Variants in SORL1 observed in about 807,000 individuals in gnomAD.
SORL1 encodes the protein sortilin related receptor 1, also known as sortilin-related receptor.
In SORL1, 127 loss-of-function variants were observed where a neutral mutation model predicts 273.7. The ratio of observed to expected loss-of-function variants is 0.46; its 90% CI spans 0.40 to 0.54. The LOEUF (loss-of-function observed/expected upper bound fraction) is 0.54, where lower values mean the gene tolerates loss of function less well. SORL1 is among the 20% of genes least tolerant of loss of function. The pLI is 0.00. For synonymous variants in SORL1, 1,031 were observed against 1,067.4 expected (o/e 0.97, Z 0.66); for missense variants, 2,494 against 2,846.1 (o/e 0.88, Z 2.81).
At chr11:121,522,737 A>G in intron 10 of SORL1, 34 bp downstream of exon 10, 3 of 1,552,580 alleles carry the variant, frequency 1.9e-6, no homozygotes, top group Non-Finnish European at 2.7e-6. Context: ...AAAGGGGTTC[A>G]GCTGTCTGGT....
At chr11:121,506,828 A>G (rs548000026) in intron 6 of SORL1, among the ~76,000 whole-genome samples, 1 of 152,178 alleles carries the variant, frequency 6.6e-6, no homozygotes, top group Non-Finnish European at 1.5e-5. Flanking sequence ...CATATCTGCT[A>G]TTTTGCTCTT....
intron 28 of SORL1, among the ~76,000 whole-genome samples, chr11:121,588,861 G>A (rs1210518218): frequency 6.6e-6 from 1 of 152,104 alleles, no homozygotes; most frequent in Non-Finnish European, 1.5e-5. Context: ...TCTTTCCTCT[G>A]TACACATCTG....
intron 1 of SORL1, 39 bp from the exon 2 acceptor site, chr11:121,469,968 C>A: frequency 7.8e-7 from 1 of 1,288,966 alleles, no homozygotes; most frequent in Non-Finnish European, 1.1e-6. Flanking sequence ...GTGGCCATCA[C>A]TTATCGTGGG....
chr11:121,606,940 C>G lies in SORL1; in HGVS notation c.5044C>G (p.Leu1682Val). 1 of 1,612,772 alleles carries G rather than the reference C, an allele frequency of 6.2e-7. No homozygotes were observed. The change falls in exon 36 of 48, where the codon CTC becomes GTC. Residue 1682 changes from leucine to valine, a missense_variant. Coordinates refer to ENST00000260197, the MANE Select transcript of SORL1 (RefSeq NM_003105.6). ...HWAPPIHTHG[L>V]IREYIVEYSR... ...GGCTCCTCCCATCCACACCCATGGC[C>G]TCATCCGTGAGTACATTGTAAGTAC...
At position 121,520,664 on chromosome 11, in the gene SORL1, G is replaced by A. The variant is rs1249790323; in HGVS notation, c.1219G>A (p.Ala407Thr). 1 of 1,562,506 alleles carries A rather than the reference G, an allele frequency of 6.4e-7. No homozygotes were observed. Among genetic ancestry groups the A allele is most frequent in the East Asian group, 2.3e-5 (1 of 43,074 alleles). ...AGSDTLVRYFANEPFADFHRV... is the reference protein window; with the variant it reads ...AGSDTLVRYFTNEPFADFHRV... Reference sequence around the variant, plus strand: ...TTTATTTTCATATTGTAGGTATTTTGCAAATGAACCATTTGCTGACTTCCA... The same window carrying A: ...TTTATTTTCATATTGTAGGTATTTTACAAATGAACCATTTGCTGACTTCCA... The change falls in exon 9 of 48, where the codon GCA (alanine) becomes ACA (threonine). Residue 407 changes from alanine to threonine, a missense_variant. This residue lies in a region of SORL1 where 710 missense variants were observed against 882.5 expected (regional missense o/e 0.80). Transcript: ENST00000260197.
Position 121,596,149 on chromosome 11 carries a change from C to G in SORL1, c.4519+377C>G, listed in dbSNP as rs1484541282. 6.6e-6 allele frequency among the ~76,000 whole-genome samples: 1 copy of G among 152,192 alleles called. No individual in the cohort carries two copies. The highest frequency in any genetic ancestry group is 1.5e-5 in the Non-Finnish European group (1 of 68,048). On this transcript the variant is annotated intron_variant, in intron 32 of 47. Transcript: ENST00000260197. The surrounding 1 kb of genome is among the most constrained non-coding windows in gnomAD (Gnocchi z 4.3). ...TCTGGAAGTATTTAGTGAGCACTTA[C>G]TGGGCGTAGAAGCTGTGTTATTAGA...
chr11:121,574,159 A>T, intron 23 of SORL1, 82 bp from the exon 24 acceptor site: 2 of 1,369,522 alleles, frequency 1.5e-6, no homozygotes, highest in African/African-American at 2.9e-5. Context: ...TCTATTTTTT[A>T]ATTGGTTTTC....
intron 2 of SORL1, among the ~76,000 whole-genome samples, chr11:121,471,358 G>A (rs918339343): frequency 2.0e-5 from 3 of 152,194 alleles, no homozygotes; most frequent in Non-Finnish European, 4.4e-5. Flanking sequence ...GGCAGCCAGT[G>A]TATAGTTTTT....
In SORL1 at chr11:121,569,238, T is replaced by G. The variant is rs1162562203; in HGVS notation, c.3224-919T>G. On this transcript the variant is annotated intron_variant, in intron 22 of 47. Coordinates refer to ENST00000260197, the MANE Select transcript of SORL1 (RefSeq NM_003105.6). ...GAGGATGTATGTCGCCTCAGGACCC[T>G]GTGATGATTGCATTAACTGCACAAA... Among the ~76,000 whole-genome samples the G allele has an allele frequency of 5.9e-5, 9 of 152,350 alleles. No individual in the cohort carries two copies. The East Asian group carries it at 1.7e-3, about 29-fold the overall frequency.
At chr11:121,525,234 T>C (rs1182341527) in intron 11 of SORL1, among the ~76,000 whole-genome samples, 1 of 152,234 alleles carries the variant, frequency 6.6e-6, no homozygotes, top group Non-Finnish European at 1.5e-5. Context: ...ATATACTCTT[T>C]TTGCCTGGCT....
chr11:121,587,580 A>G (rs187660949), intron 27 of SORL1, among the ~76,000 whole-genome samples: 2 of 152,272 alleles, frequency 1.3e-5, no homozygotes, highest in East Asian at 3.9e-4. Flanking sequence ...GCTTCAACAT[A>G]CAAATTTTGG....
intron 12 of SORL1, among the ~76,000 whole-genome samples, chr11:121,539,449 TCTC>T (rs1460995035): frequency 6.6e-6 from 1 of 152,248 alleles, no homozygotes; most frequent in African/African-American, 2.4e-5. Context: ...TCTTCATAAT[TCTC>T]CTAGAGATTA....
Position 121,632,345 on chromosome 11 carries a change from C to G in SORL1, c.*2782C>G, listed in dbSNP as rs1194117661. The G allele has an allele frequency of 2.0e-5, 3 of 152,038 alleles. No homozygotes were observed. The highest frequency in any genetic ancestry group is 7.3e-5 in the African/African-American group (3 of 41,348). 9.4% of individuals were successfully genotyped at this position (152,038 alleles called of 1,614,324 possible). On this transcript the variant is annotated 3_prime_UTR_variant, in exon 48 of 48. Coordinates refer to ENST00000260197, the MANE Select transcript of SORL1 (RefSeq NM_003105.6). ...GGATAAAATGTTAGAGAGTGGAGTTCTACAGAGGATTCCAGGAAGAGGCCA... is the reference window on the plus strand; with the variant it reads ...GGATAAAATGTTAGAGAGTGGAGTTGTACAGAGGATTCCAGGAAGAGGCCA...
At chr11:121,572,073 G>A (rs1041822054) in intron 23 of SORL1, among the ~76,000 whole-genome samples, 10 of 152,218 alleles carry the variant, frequency 6.6e-5, no homozygotes, top group African/African-American at 2.4e-4. Flanking sequence ...CAAGGAAATT[G>A]CCCAGACATA....
chr11:121,626,310 G>T (rs911389119), intron 46 of SORL1: 3 of 152,206 alleles, frequency 2.0e-5, no homozygotes, highest in Admixed American at 6.5e-5. Context: ...GAAGTGGGGT[G>T]GGGGAGGGAG....
At position 121,595,899 on chromosome 11, in the gene SORL1, T is replaced by A; in HGVS notation, c.4519+127T>A. 1.0e-6 allele frequency: 1 copy of A among 988,390 alleles called. No individual in the cohort carries two copies. Among genetic ancestry groups the A allele is most frequent in the Non-Finnish European group, 1.4e-6 (1 of 692,614 alleles). 61.2% of individuals were successfully genotyped at this position (988,390 alleles called of 1,614,324 possible). Reference sequence around the variant, plus strand: ...AGTCTGTGTACTTGCGTAACCATGCTCTTACTGCATTCTCCACAAGCGCTT... The same window carrying A: ...AGTCTGTGTACTTGCGTAACCATGCACTTACTGCATTCTCCACAAGCGCTT... On this transcript the variant is annotated intron_variant, in intron 32 of 47. Transcript: ENST00000260197. This position sits in a 1 kb window ranked among gnomAD's most constrained non-coding sequence, Gnocchi z 5.1.
chr11:121,592,089 T>C (rs1863224221), intron 31 of SORL1, among the ~76,000 whole-genome samples: 1 of 152,232 alleles, frequency 6.6e-6, no homozygotes, highest in Admixed American at 6.5e-5. Context: ...CCTGGATTCC[T>C]TACATCAGCC....
intron 1 of SORL1, among the ~76,000 whole-genome samples, chr11:121,453,515 A>G (rs1208769959): frequency 6.6e-6 from 1 of 152,176 alleles, no homozygotes; most frequent in Non-Finnish European, 1.5e-5. Context: ...CAGCAAAAGT[A>G]TAAGGTCGGT....
At position 121,595,553 on chromosome 11, in the gene SORL1, T is replaced by C; in HGVS notation, c.4370-70T>C. On this transcript the variant is annotated intron_variant, in intron 31 of 47. Coordinates refer to ENST00000260197, the MANE Select transcript of SORL1 (RefSeq NM_003105.6). The surrounding 1 kb of genome is among the most constrained non-coding windows in gnomAD (Gnocchi z 5.1). ...TAAAGCACCGTAATCTCCTAGCATA[T>C]TGATTGGTTGCTGTTATTGGCCAGC... The C allele has an allele frequency of 7.4e-7, 1 of 1,344,426 alleles. No homozygotes were observed. The highest frequency in any genetic ancestry group is 1.0e-6 in the Non-Finnish European group (1 of 971,682). The allele number at this position is 1,344,426 out of a possible 1,614,324, so 83.3% of individuals were successfully genotyped here.
Sources: allele counts gnomAD v4.1 joint callset (sites outside exome capture counted in the v4.1 genomes callset), GRCh38; gene constraint gnomAD v4.1.1; regional missense constraint gnomAD v4.1.1; non-coding constraint Gnocchi (gnomAD v3.1); transcripts MANE v1.5; gene names NCBI Gene and HGNC (gene_info 2026-07-23, HGNC 2026-07-21).